CCDC117: variants seen among roughly 807,000 people sequenced by gnomAD.
CCDC117 encodes coiled-coil domain containing 117, also known as coiled-coil domain-containing protein 117.
A neutral mutation model predicts 23.5 loss-of-function variants in CCDC117; 1 was observed. The observed-to-expected ratio is 0.04, with a 90% CI of 0.02 to 0.20. CCDC117 has a LOEUF of 0.20. Ranked by LOEUF, CCDC117 falls within the 10% of genes least tolerant of loss-of-function variation. The pLI is 1.00. For synonymous variants in CCDC117, 132 were observed against 124.8 expected, an observed-to-expected ratio of 1.06 and a Z score of -0.39; for missense variants, 383 against 348.2, an observed-to-expected ratio of 1.10 and a Z score of -0.80.
At chr22:28,779,560 C>T (rs2031263097) in intron 2 of CCDC117, among the ~76,000 whole-genome samples, 1 of 152,060 alleles carries the variant, frequency 6.6e-6, no homozygotes, top group South Asian at 2.1e-4. Flanking sequence ...TTAGATATAG[C>T]TGAACATTCT....
intron 2 of CCDC117, among the ~76,000 whole-genome samples, chr22:28,775,298 G>A (rs557524570): frequency 2.0e-5 from 3 of 152,222 alleles, no homozygotes; most frequent in South Asian, 2.1e-4. Flanking sequence ...GAATTCTATC[G>A]TAGGACTTGG....
In CCDC117 at chr22:28,788,794, G is replaced by GT. The variant is rs2031589664; in HGVS notation, c.*2470dup. On this transcript the variant is annotated 3_prime_UTR_variant, in exon 5 of 5. Transcript: ENST00000249064. ...TTTTTGCTTTTGCTTTGCCTTAAGA[G>GT]TTCCCTAGGGAGTTACCAGGGCTTT... 1 of 152,568 alleles carries GT rather than the reference G, an allele frequency of 6.6e-6. No homozygotes were observed. Among genetic ancestry groups the GT allele is most frequent in the African/African-American group, 2.4e-5 (1 of 41,428 alleles). The allele number at this position is 152,568 out of a possible 1,614,324, so 9.5% of individuals were successfully genotyped here. A position where few individuals can be genotyped will look rare whatever the true frequency, so the allele number is the denominator to read the frequency against.
At chr22:28,777,405 A>G (rs2031196820) in intron 2 of CCDC117, among the ~76,000 whole-genome samples, 1 of 151,982 alleles carries the variant, frequency 6.6e-6, no homozygotes, top group Non-Finnish European at 1.5e-5. Flanking sequence ...TGTTTGATGT[A>G]ATTTTATGTT....
rs2031315094 is a variant in CCDC117, at chr22:28,781,330, GTTTTGTTTTTTTTTTTTTTTTT to G, written c.464+163_464+184del. On this transcript the variant is annotated intron_variant, in intron 3 of 4. Coordinates refer to ENST00000249064, the MANE Select transcript of CCDC117 (RefSeq NM_173510.4). ...AAAGTGTATTCGTTTTTGTTTTTTT[GTTTTGTTTTTTTTTTTTTTTTT>G]TTTTTTTTTTTTTTTTGAGACGGAG... Among the ~76,000 whole-genome samples, 2 of 37,626 alleles carry G rather than the reference GTTTTGTTTTTTTTTTTTTTTTT, an allele frequency of 5.3e-5. 1 individual carries two copies. The highest frequency in any genetic ancestry group is 9.1e-5 in the Non-Finnish European group (2 of 22,062). 24.7% of individuals were successfully genotyped at this position (37,626 alleles called of 152,430 possible). A position where few individuals can be genotyped will look rare whatever the true frequency, so the allele number is the denominator to read the frequency against.
chr22:28,773,814 A>T (rs779855605), intron 2 of CCDC117, 36 bp downstream of exon 2: 1 of 1,538,512 alleles, frequency 6.5e-7, no homozygotes, highest in African/African-American at 1.4e-5. Context: ...CTCTGTGGTC[A>T]CCGTTAGTTG....
chr22:28,777,498 A>G (rs943222996), intron 2 of CCDC117, among the ~76,000 whole-genome samples: 2 of 147,492 alleles, frequency 1.4e-5, no homozygotes, highest in African/African-American at 2.5e-5. Context: ...GATACTGGAC[A>G]TCTTTTCTTT....
At chr22:28,780,255 A>G (rs1334220152) in intron 2 of CCDC117, among the ~76,000 whole-genome samples, 1 of 152,182 alleles carries the variant, frequency 6.6e-6, no homozygotes, top group East Asian at 1.9e-4. Flanking sequence ...ATTGGACCCC[A>G]CTATTGGTTG....
At chr22:28,781,255 T>A (rs2031307830) in intron 3 of CCDC117, 83 bp downstream of exon 3, 1 of 731,748 alleles carries the variant, frequency 1.4e-6, no homozygotes, top group Non-Finnish European at 2.4e-6. Context: ...GTTTATCATT[T>A]GGTGATACCT....
At chr22:28,781,237 C>G in intron 3 of CCDC117, 65 bp downstream of exon 3, 1 of 894,818 alleles carries the variant, frequency 1.1e-6, no homozygotes, top group Non-Finnish European at 1.8e-6. Context: ...CTCATATAAG[C>G]TAGTTCTGTT....
intron 3 of CCDC117, among the ~76,000 whole-genome samples, chr22:28,782,559 C>G (rs2031381686): frequency 6.6e-6 from 1 of 152,162 alleles, no homozygotes; most frequent in Admixed American, 6.6e-5. Flanking sequence ...CTGCCTCAAT[C>G]TCCTGAGTAG....
chr22:28,777,766 C>T (rs1184942319), intron 2 of CCDC117, among the ~76,000 whole-genome samples: 2 of 152,184 alleles, frequency 1.3e-5, no homozygotes, highest in South Asian at 2.1e-4. Context: ...CCTCAGCCTC[C>T]CAAAGCTCTG....
Position 28,786,682 on chromosome 22 carries a change from A to G in CCDC117, c.*356A>G, listed in dbSNP as rs2031521445. ...GAGAATATTCTCCTTGAATTAAAAA[A>G]GATGATTAAGAAGGATGCTCCTACA... On this transcript the variant is annotated 3_prime_UTR_variant, in exon 5 of 5. Coordinates refer to ENST00000249064, the MANE Select transcript of CCDC117 (RefSeq NM_173510.4). 7 of 204,408 alleles carry G rather than the reference A, an allele frequency of 3.4e-5. No individual in the cohort carries two copies. The South Asian group carries it at 6.0e-4, about 17-fold the overall frequency. The allele number at this position is 204,408 out of a possible 1,614,324, so 12.7% of individuals were successfully genotyped here.
chr22:28,783,135 G>C (rs985818960), intron 3 of CCDC117, among the ~76,000 whole-genome samples: 1 of 151,964 alleles, frequency 6.6e-6, no homozygotes, highest in African/African-American at 2.4e-5. Flanking sequence ...TCCGCCTCCC[G>C]GGTTCAAGTG....
At chr22:28,777,060 C>A (rs2031184452) in intron 2 of CCDC117, among the ~76,000 whole-genome samples, 1 of 130,152 alleles carries the variant, frequency 7.7e-6, no homozygotes, top group African/African-American at 3.0e-5. Flanking sequence ...TTTGAGATGG[C>A]ATCTTGCTCT....
intron 2 of CCDC117, among the ~76,000 whole-genome samples, chr22:28,776,967 G>A (rs1007261959): frequency 4.0e-5 from 6 of 151,570 alleles, no homozygotes; most frequent in Non-Finnish European, 8.8e-5. Context: ...TAATCTGCCC[G>A]CCTTGGCCTT....
intron 2 of CCDC117, among the ~76,000 whole-genome samples, chr22:28,779,958 T>C (rs1009555808): frequency 1.9e-4 from 29 of 152,222 alleles, no homozygotes; most frequent in African/African-American, 7.0e-4. Context: ...ACTGGGTATA[T>C]CGTAGTGCTT....
chr22:28,773,105 G>C (rs1314429039), intron 1 of CCDC117, 71 bp downstream of exon 1: 4 of 787,524 alleles, frequency 5.1e-6, no homozygotes, highest in Non-Finnish European at 4.7e-6. Context: ...CCTCGCGGCG[G>C]GCGCGGGCAG....
chr22:28,774,690 A>G (rs1177128796), intron 2 of CCDC117, among the ~76,000 whole-genome samples: 1 of 152,056 alleles, frequency 6.6e-6, no homozygotes, highest in Non-Finnish European at 1.5e-5. Flanking sequence ...CCACACCCCT[A>G]GTTTTCCCCA....
intron 2 of CCDC117, among the ~76,000 whole-genome samples, chr22:28,775,621 A>C (rs2031139484): frequency 6.6e-6 from 1 of 152,178 alleles, no homozygotes; most frequent in Non-Finnish European, 1.5e-5. Context: ...AAGTAAGGCC[A>C]GGCGCGGTGG....
Sources: allele counts gnomAD v4.1 joint callset (sites outside exome capture counted in the v4.1 genomes callset), GRCh38; gene constraint gnomAD v4.1.1; transcripts MANE v1.5; gene names NCBI Gene and HGNC (gene_info 2026-07-23, HGNC 2026-07-21).